The following DAPK1 variants were observed in gnomAD, a reference collection of about 807,000 sequenced individuals.
DAPK1 encodes death associated protein kinase 1.
DAPK1 carries 56 observed loss-of-function variants against 144.9 expected under a neutral mutation model. The ratio of observed to expected loss-of-function variants is 0.39; its 90% CI spans 0.31 to 0.48. The LOEUF is 0.48. DAPK1 is among the 20% of genes least tolerant of loss of function. DAPK1 has a pLI of 0.95. For missense variants in DAPK1, 1,454 were observed against 1,875.4 expected, an observed-to-expected ratio of 0.78 and a Z score of 4.15; for synonymous variants, 690 against 749.0, an observed-to-expected ratio of 0.92 and a Z score of 1.29.
At chr9:87,633,936 G>T (rs548284773) in intron 3 of DAPK1, among the ~76,000 whole-genome samples, 1 of 152,316 alleles carries the variant, frequency 6.6e-6, no homozygotes, top group Admixed American at 6.5e-5. Flanking sequence ...AGAGGAGAAG[G>T]GGGCAGGAAT....
At chr9:87,693,145 C>T (rs953866286) in intron 21 of DAPK1, among the ~76,000 whole-genome samples, 2 of 151,182 alleles carry the variant, frequency 1.3e-5, no homozygotes, top group Non-Finnish European at 2.9e-5. Context: ...AAGTTTTTAA[C>T]AATTATTTTA....
At chr9:87,684,738 A>C (rs967692706) in intron 20 of DAPK1, among the ~76,000 whole-genome samples, 14 of 151,930 alleles carry the variant, frequency 9.2e-5, no homozygotes, top group Admixed American at 4.6e-4. Flanking sequence ...CCCGGTGACC[A>C]GGTAAAGTGG....
intron 2 of DAPK1, among the ~76,000 whole-genome samples, chr9:87,556,786 C>A (rs575972156): frequency 6.6e-6 from 1 of 152,308 alleles, no homozygotes; most frequent in South Asian, 2.1e-4. Context: ...ATGCTCTCCT[C>A]AGGTTTGGAA....
intron 3 of DAPK1, chr9:87,633,222 T>A (rs200833856): frequency 3.7e-5 from 36 of 984,074 alleles, no homozygotes; most frequent in Non-Finnish European, 4.2e-5. Flanking sequence ...TGAGTACATA[T>A]GTAGGGATGA....
At chr9:87,666,647 T>C (rs1411185496) in intron 18 of DAPK1, among the ~76,000 whole-genome samples, 2 of 152,006 alleles carry the variant, frequency 1.3e-5, no homozygotes, top group East Asian at 1.9e-4. Flanking sequence ...CTGATTTTTG[T>C]ATTTTTAGTA....
At chr9:87,659,827 A>G (rs535200360) in intron 18 of DAPK1, among the ~76,000 whole-genome samples, 1 of 149,756 alleles carries the variant, frequency 6.7e-6, no homozygotes, top group Non-Finnish European at 1.5e-5. Context: ...CACACACCGC[A>G]CCCGCAGTCA....
At chr9:87,647,131 C>A (rs992222648) in intron 13 of DAPK1, among the ~76,000 whole-genome samples, 174 bp from the exon 14 acceptor site, 2 of 152,204 alleles carry the variant, frequency 1.3e-5, no homozygotes, top group Non-Finnish European at 2.9e-5. Flanking sequence ...TCTTGTGTAA[C>A]CACGGTACAT....
intron 3 of DAPK1, among the ~76,000 whole-genome samples, chr9:87,629,650 C>T (rs558409116): frequency 7.2e-4 from 110 of 152,242 alleles, no homozygotes; most frequent in South Asian, 3.5e-3. Context: ...GTTGGGTTTG[C>T]AGGTGTGAAC....
At chr9:87,636,347 A>G (rs1015090073) in intron 3 of DAPK1, among the ~76,000 whole-genome samples, 1 of 152,120 alleles carries the variant, frequency 6.6e-6, no homozygotes, top group Non-Finnish European at 1.5e-5. Context: ...GCCCCTGGGG[A>G]TAGGAGAGTC....
At chr9:87,579,081 A>G (rs1004483397) in intron 2 of DAPK1, among the ~76,000 whole-genome samples, 1 of 152,150 alleles carries the variant, frequency 6.6e-6, no homozygotes, top group Non-Finnish European at 1.5e-5. Flanking sequence ...TGCAAAGTTA[A>G]ATTATTCAGG....
At chr9:87,556,799 G>T (rs899307397) in intron 2 of DAPK1, among the ~76,000 whole-genome samples, 1 of 152,182 alleles carries the variant, frequency 6.6e-6, no homozygotes, top group Non-Finnish European at 1.5e-5. Context: ...GTTTGGAATT[G>T]CTTTTCTTGG....
intron 19 of DAPK1, among the ~76,000 whole-genome samples, chr9:87,681,202 C>T (rs905734873): frequency 6.6e-6 from 1 of 151,296 alleles, no homozygotes; most frequent in Admixed American, 6.6e-5. Flanking sequence ...CGCTTGAACC[C>T]AGAAGGCAGA....
At chr9:87,653,662 T>C (rs1830536163) in intron 17 of DAPK1, among the ~76,000 whole-genome samples, 1 of 150,938 alleles carries the variant, frequency 6.6e-6, no homozygotes, top group Admixed American at 6.6e-5. Context: ...ATTTCTCTTT[T>C]TTATTTTATT....
intron 8 of DAPK1, among the ~76,000 whole-genome samples, 165 bp downstream of exon 8, chr9:87,640,615 G>T (rs527365965): frequency 2.0e-5 from 3 of 152,348 alleles, no homozygotes; most frequent in Admixed American, 1.3e-4. Context: ...AGGGCCCTCT[G>T]CCCCCACTCA....
intron 24 of DAPK1, 124 bp from the exon 25 acceptor site, chr9:87,702,905 A>C (rs1825503643): frequency 1.6e-6 from 1 of 633,164 alleles, no homozygotes; most frequent in African/African-American, 1.8e-5. Context: ...AACAACAAAA[A>C]AACCCACTCG....
intron 2 of DAPK1, among the ~76,000 whole-genome samples, chr9:87,543,161 G>A (rs1445313070): frequency 6.6e-6 from 1 of 152,216 alleles, no homozygotes; most frequent in African/African-American, 2.4e-5. Flanking sequence ...TCACATTTAT[G>A]TGCAAAACAA....
intron 19 of DAPK1, among the ~76,000 whole-genome samples, chr9:87,675,755 G>A (rs1564064345): frequency 6.6e-6 from 1 of 151,726 alleles, no homozygotes; most frequent in Non-Finnish European, 1.5e-5. Context: ...ATTACTTAGT[G>A]AGCCTTGGGC....
At chr9:87,627,484 C>T (rs972049500) in intron 3 of DAPK1, among the ~76,000 whole-genome samples, 1 of 151,994 alleles carries the variant, frequency 6.6e-6, no homozygotes, top group Non-Finnish European at 1.5e-5. Flanking sequence ...CAGCCACCCA[C>T]CCCCTTTGCT....
In DAPK1 at chr9:87,639,319, C is replaced by T. The variant is rs36211350; in HGVS notation, c.424-35C>T. ...CCATCTTGTCCTCAGCATAACATAT[C>T]ATAGCTTTTTATTTATCTCTCTCTT... On this transcript the variant is annotated intron_variant, in intron 4 of 25. Transcript: ENST00000408954. 178 of 1,537,874 alleles carry T rather than the reference C, an allele frequency of 1.2e-4. 1 individual carries two copies. In the African/African-American group the frequency reaches 2.2e-3, roughly 19 times the overall value.
Sources: gnomAD v4.1 joint callset for allele counts (sites outside exome capture counted in the v4.1 genomes callset) on GRCh38, gnomAD v4.1.1 for gene constraint, MANE v1.5 for transcripts, NCBI Gene and HGNC (gene_info 2026-07-23, HGNC 2026-07-21) for gene names.